The following ROBO2 variants were observed in gnomAD, a reference collection of about 807,000 sequenced individuals.
ROBO2 encodes the protein roundabout homolog 2.
In ROBO2, 53 loss-of-function variants were observed where a neutral mutation model predicts 160.8. The observed-to-expected ratio is 0.33, with a 90% CI of 0.26 to 0.41. ROBO2 has a LOEUF of 0.41. Among genes scored for constraint, ROBO2 ranks in the 10% least tolerant of loss-of-function variants. The pLI, the probability that ROBO2 is intolerant of heterozygous loss-of-function variation, is 1.00. For synonymous variants in ROBO2, 664 were observed against 611.7 expected (o/e 1.09, Z -1.26); for missense variants, 1,577 against 1,722.4 (o/e 0.92, Z 1.49).
chr3:76,630,402 A>C (rs1288707088), intron 2 of ROBO2, among the ~76,000 whole-genome samples: 1 of 152,318 alleles, frequency 6.6e-6, no homozygotes, highest in East Asian at 1.9e-4. Flanking sequence ...GTATTTGCTA[A>C]TCTCTCTTAA....
intron 2 of ROBO2, among the ~76,000 whole-genome samples, chr3:76,212,982 A>G (rs145275640): frequency 1.9e-4 from 29 of 152,236 alleles, no homozygotes; most frequent in African/African-American, 4.8e-4. Context: ...CAGAAATCTT[A>G]AGGCCTATTT....
At chr3:76,391,053 G>A (rs1274142848) in intron 2 of ROBO2, among the ~76,000 whole-genome samples, 1 of 151,970 alleles carries the variant, frequency 6.6e-6, no homozygotes, top group African/African-American at 2.4e-5. Context: ...CTTCAGCACA[G>A]TGCCTAGTAA....
At chr3:76,021,003 A>G (rs1388576009) in intron 2 of ROBO2, among the ~76,000 whole-genome samples, 1 of 151,796 alleles carries the variant, frequency 6.6e-6, no homozygotes, top group Non-Finnish European at 1.5e-5. Flanking sequence ...AATGCACTTT[A>G]TCATTCTCTC....
At chr3:76,746,448 C>T (rs1348274054) in intron 2 of ROBO2, among the ~76,000 whole-genome samples, 2 of 152,042 alleles carry the variant, frequency 1.3e-5, no homozygotes, top group Non-Finnish European at 2.9e-5. Context: ...ACAGTCCCAC[C>T]AACAGTGTAA....
At chr3:76,891,290 G>T (rs1004265573) in intron 2 of ROBO2, among the ~76,000 whole-genome samples, 1 of 152,080 alleles carries the variant, frequency 6.6e-6, no homozygotes, top group Admixed American at 6.6e-5. Context: ...TTAAGAATAT[G>T]CCATTTTATG....
intron 2 of ROBO2, among the ~76,000 whole-genome samples, chr3:76,236,146 TATTTA>T (rs1051966855): frequency 3.3e-5 from 5 of 152,080 alleles, no homozygotes; most frequent in Non-Finnish European, 7.4e-5. Flanking sequence ...TTAAGTCAAT[TATTTA>T]ATTTTATTTG....
At chr3:77,276,996 T>C (rs988011995) in intron 2 of ROBO2, among the ~76,000 whole-genome samples, 1 of 152,164 alleles carries the variant, frequency 6.6e-6, no homozygotes, top group South Asian at 2.1e-4. Context: ...TGCCCTTGAC[T>C]CATGGGGATT....
Position 77,098,324 on chromosome 3 carries a change from G to A in ROBO2, c.372G>A (p.Ala124=), listed in dbSNP as rs763736763. Residue 124 remains alanine, a synonymous_variant, in exon 2 of 26, where the codon GCG becomes GCA. Transcript: ENST00000461745. ...TTGGTGAAGCAGTGAGTCGAAATGC[G>A]TCTCTGGAAGTGGCATGTAAGTGAA... 12 of 1,614,056 alleles carry A rather than the reference G, an allele frequency of 7.4e-6. No individual in the cohort carries two copies. Among genetic ancestry groups the A allele is most frequent in the East Asian group, 6.7e-5 (3 of 44,884 alleles).
chr3:76,071,019 T>C (rs1489694604), intron 2 of ROBO2, among the ~76,000 whole-genome samples: 1 of 152,238 alleles, frequency 6.6e-6, no homozygotes, highest in African/African-American at 2.4e-5. Context: ...TAGCATTTTA[T>C]GATTCATAAT....
At chr3:76,998,124 A>G (rs2061128750) in intron 2 of ROBO2, among the ~76,000 whole-genome samples, 1 of 152,150 alleles carries the variant, frequency 6.6e-6, no homozygotes, top group Admixed American at 6.6e-5. Flanking sequence ...AAGATTCTAC[A>G]ATGTTCTGTG....
chr3:76,857,578 C>T (rs907676682), intron 2 of ROBO2, among the ~76,000 whole-genome samples: 141 of 151,988 alleles, frequency 9.3e-4, no homozygotes, highest in African/African-American at 3.2e-3. Context: ...TTTGATGGCC[C>T]GTTGGGTTTC....
chr3:77,525,617 C>A (rs2091062380), intron 6 of ROBO2, among the ~76,000 whole-genome samples: 1 of 151,046 alleles, frequency 6.6e-6, no homozygotes, highest in African/African-American at 2.4e-5. Context: ...TATTTGTAAG[C>A]ACATTTTACC....
intron 2 of ROBO2, among the ~76,000 whole-genome samples, chr3:77,144,158 T>G (rs2150459934): frequency 6.6e-6 from 1 of 152,348 alleles, no homozygotes; most frequent in Admixed American, 6.5e-5. Flanking sequence ...TATTTCTAAC[T>G]TTGTGGCTTA....
chr3:77,320,978 T>A (rs2064625965), intron 2 of ROBO2, among the ~76,000 whole-genome samples: 1 of 152,162 alleles, frequency 6.6e-6, no homozygotes, highest in African/African-American at 2.4e-5. Flanking sequence ...GTCCATTTTG[T>A]TCTTCAGTAA....
intron 19 of ROBO2, among the ~76,000 whole-genome samples, chr3:77,599,503 G>T (rs1287142221): frequency 1.5e-5 from 2 of 132,766 alleles, no homozygotes; most frequent in Non-Finnish European, 3.2e-5. Context: ...GTTGTGGGGT[G>T]GGGGGAGGGG....
In ROBO2 at chr3:76,979,230, T is replaced by C. The variant is rs551954833; in HGVS notation, c.110-118784T>C. The stretch of plus-strand genomic sequence containing the variant: ...AAGTGCTGGAATTACAGGTGTGAGC[T>C]ACCACATTTGGCCCAAGTGTAGTTT... On this transcript the variant is annotated intron_variant, in intron 2 of 26. Coordinates refer to the ROBO2 transcript ENST00000487694. 1.1e-4 allele frequency among the ~76,000 whole-genome samples: 16 copies of C among 152,222 alleles called. No homozygotes were observed. In the South Asian group the frequency reaches 3.3e-3, roughly 32 times the overall value.
At chr3:76,890,317 C>T (rs1218293588) in intron 2 of ROBO2, among the ~76,000 whole-genome samples, 4 of 152,166 alleles carry the variant, frequency 2.6e-5, no homozygotes, top group Non-Finnish European at 5.9e-5. Context: ...AAATCAACAG[C>T]ATCCTTAGTA....
intron 23 of ROBO2, among the ~76,000 whole-genome samples, chr3:77,628,428 T>TTC (rs1243756070): frequency 7.3e-6 from 1 of 136,868 alleles, no homozygotes; most frequent in Non-Finnish European, 1.6e-5. Flanking sequence ...TTATCTTTTC[T>TTC]TCTCTCTCTC....
At chr3:76,829,456 T>C (rs557402439) in intron 2 of ROBO2, among the ~76,000 whole-genome samples, 75 of 152,062 alleles carry the variant, frequency 4.9e-4, no homozygotes, top group African/African-American at 1.6e-3. Flanking sequence ...TCTGCACATG[T>C]ACCCCAGAAC....
Sources: gnomAD v4.1 joint callset for allele counts (sites outside exome capture counted in the v4.1 genomes callset) on GRCh38, gnomAD v4.1.1 for gene constraint, MANE v1.5 for transcripts, NCBI Gene and HGNC (gene_info 2026-07-23, HGNC 2026-07-21) for gene names.